VRK2: variants seen among roughly 807,000 people sequenced by gnomAD.
VRK2 encodes the protein serine/threonine-protein kinase VRK2.
In VRK2, 60 loss-of-function variants were observed where a neutral mutation model predicts 57.6. The observed-to-expected ratio is 1.04, with a 90% CI of 0.85 to 1.29. VRK2 has a LOEUF of 1.29. Ranked by LOEUF, VRK2 falls within the 50% of genes most tolerant of loss-of-function variation. The pLI, the probability that VRK2 is intolerant of heterozygous loss-of-function variation, is 0.00. For missense variants in VRK2, 705 were observed against 588.1 expected, an observed-to-expected ratio of 1.20 and a Z score of -2.06; for synonymous variants, 231 against 199.2, an observed-to-expected ratio of 1.16 and a Z score of -1.35.
chr2:57,982,479 G>A (rs1672452187), intron 1 of VRK2, among the ~76,000 whole-genome samples: 3 of 152,210 alleles, frequency 2.0e-5, no homozygotes, highest in African/African-American at 7.2e-5. Context: ...CTGCAGGCAG[G>A]TGCTTGCCAG....
chr2:58,094,669 T>A (rs546689165), intron 7 of VRK2, among the ~76,000 whole-genome samples: 1 of 152,232 alleles, frequency 6.6e-6, no homozygotes, highest in East Asian at 1.9e-4. Context: ...TAAAGCTCTC[T>A]TATTCATTAC....
chr2:57,921,398 A>G (rs1055075146), intron 1 of VRK2, among the ~76,000 whole-genome samples: 5 of 151,908 alleles, frequency 3.3e-5, no homozygotes, highest in African/African-American at 1.2e-4. Context: ...TGTATACTAT[A>G]TCTTCAGAGA....
intron 9 of VRK2, among the ~76,000 whole-genome samples, 158 bp from the exon 10 acceptor site, chr2:58,134,983 T>C (rs1299812506): frequency 6.6e-6 from 1 of 152,086 alleles, no homozygotes; most frequent in East Asian, 1.9e-4. Flanking sequence ...CCTCTACTTC[T>C]GCTTACTTTC....
chr2:58,095,211 G>C (rs546652322), intron 7 of VRK2, among the ~76,000 whole-genome samples: 1 of 151,180 alleles, frequency 6.6e-6, no homozygotes, highest in Non-Finnish European at 1.5e-5. Flanking sequence ...GGAGAATGGC[G>C]TGAACCCGGG....
intron 1 of VRK2, among the ~76,000 whole-genome samples, chr2:57,976,160 C>T (rs550584105): frequency 1.3e-5 from 2 of 152,144 alleles, no homozygotes; most frequent in African/African-American, 4.8e-5. Context: ...ATTCAGTCCA[C>T]TGTTCAGCAT....
chr2:58,109,807 A>G (rs1271743671), intron 7 of VRK2, among the ~76,000 whole-genome samples: 1 of 152,208 alleles, frequency 6.6e-6, no homozygotes, highest in Non-Finnish European at 1.5e-5. Context: ...TATAAAGGCC[A>G]TTCTCTTATA....
At chr2:57,986,019 C>G (rs1240638374) in intron 1 of VRK2, among the ~76,000 whole-genome samples, 1 of 151,954 alleles carries the variant, frequency 6.6e-6, no homozygotes, top group Non-Finnish European at 1.5e-5. Flanking sequence ...TAAAGAATAC[C>G]TTTAGATGTC....
At chr2:57,923,450 T>C (rs1287502911) in intron 1 of VRK2, among the ~76,000 whole-genome samples, 1 of 152,082 alleles carries the variant, frequency 6.6e-6, no homozygotes, top group African/African-American at 2.4e-5. Flanking sequence ...TAACTCTTTG[T>C]AGCTTTGATT....
chr2:57,985,829 C>T (rs1672577033), intron 1 of VRK2, among the ~76,000 whole-genome samples: 2 of 151,964 alleles, frequency 1.3e-5, no homozygotes, highest in Non-Finnish European at 1.5e-5. Context: ...CACTAAAATG[C>T]TGCTAGAACT....
chr2:58,024,305 T>C (rs1003242614), intron 1 of VRK2, among the ~76,000 whole-genome samples: 12 of 152,230 alleles, frequency 7.9e-5, no homozygotes, highest in African/African-American at 2.9e-4. Flanking sequence ...TTTACACTTG[T>C]AAATAGGTTG....
intron 1 of VRK2, among the ~76,000 whole-genome samples, chr2:58,015,947 CTT>C (rs568856764): frequency 6.8e-6 from 1 of 147,554 alleles, no homozygotes; most frequent in Non-Finnish European, 1.5e-5. Context: ...TTATAGCTAG[CTT>C]TTTTTTTTGT....
intron 8 of VRK2, among the ~76,000 whole-genome samples, chr2:58,126,053 C>T (rs923305170): frequency 6.6e-6 from 1 of 151,854 alleles, no homozygotes; most frequent in African/African-American, 2.4e-5. Flanking sequence ...ACTTTCAGTA[C>T]AGCCACTATG....
At chr2:58,112,861 C>T (rs908252625) in intron 7 of VRK2, among the ~76,000 whole-genome samples, 7 of 152,140 alleles carry the variant, frequency 4.6e-5, no homozygotes, top group Non-Finnish European at 7.3e-5. Context: ...CACAAGTTGT[C>T]TTAATATGTA....
chr2:57,990,909 G>A, intron 1 of VRK2, among the ~76,000 whole-genome samples: 1 of 150,244 alleles, frequency 6.7e-6, no homozygotes, highest in African/African-American at 2.4e-5. Flanking sequence ...TTAAACAAAA[G>A]TAGAGAACAC....
intron 1 of VRK2, among the ~76,000 whole-genome samples, chr2:57,975,451 G>C (rs1207592217): frequency 2.0e-5 from 3 of 151,964 alleles, no homozygotes; most frequent in Admixed American, 2.0e-4. Flanking sequence ...GTATTATCTT[G>C]AAATTTTTGG....
At chr2:58,083,918 T>C (rs1671253479) in intron 2 of VRK2, among the ~76,000 whole-genome samples, 171 bp from the exon 3 acceptor site, 2 of 151,890 alleles carry the variant, frequency 1.3e-5, no homozygotes, top group African/African-American at 4.8e-5. Context: ...CAAACTTCAG[T>C]AGCATCTTGT....
chr2:57,966,253 C>T (rs1189048232), intron 1 of VRK2, among the ~76,000 whole-genome samples: 1 of 152,206 alleles, frequency 6.6e-6, no homozygotes, highest in African/African-American at 2.4e-5. Context: ...ATGATTTGCG[C>T]ACAGTGGGTT....
intron 2 of VRK2, among the ~76,000 whole-genome samples, chr2:58,061,095 A>AT (rs537737778): frequency 0.018 from 2,709 of 151,770 alleles, 39 homozygotes; most frequent in Non-Finnish European, 0.027. Context: ...AACTTGGGGG[A>AT]TTTTTTTTAA....
At chr2:57,978,923 T>A (rs1350812363) in intron 1 of VRK2, among the ~76,000 whole-genome samples, 1 of 150,888 alleles carries the variant, frequency 6.6e-6, no homozygotes, top group Non-Finnish European at 1.5e-5. Flanking sequence ...TGTTCCTGTG[T>A]TAGTTTGGTG....
Sources: gnomAD v4.1 joint callset for allele counts (sites outside exome capture counted in the v4.1 genomes callset) on GRCh38, gnomAD v4.1.1 for gene constraint, MANE v1.5 for transcripts, NCBI Gene and HGNC (gene_info 2026-07-23, HGNC 2026-07-21) for gene names.